Variants in MKKS observed in about 807,000 individuals in gnomAD.
MKKS encodes MKKS centrosomal shuttling protein, also known as molecular chaperone MKKS.
MKKS carries 29 observed loss-of-function variants against 33.2 expected under a neutral mutation model. The observed-to-expected ratio is 0.87, with a 90% CI of 0.65 to 1.19. The LOEUF (loss-of-function observed/expected upper bound fraction) is 1.19. Ranked by LOEUF, MKKS falls within the 50% of genes most tolerant of loss-of-function variation. The pLI is 0.00. For missense variants in MKKS, 661 were observed against 662.3 expected, an observed-to-expected ratio of 1.00 and a Z score of 0.02; for synonymous variants, 260 against 244.0, an observed-to-expected ratio of 1.07 and a Z score of -0.61.
rs1297985227 is a variant in MKKS at position 10,413,220 on chromosome 20, A to G, written c.295T>C (p.Cys99Arg). ...TGAACATTTTCAATCAGGTTGCAGC[A>G]AAGAATAGCTGTGAATAAGCCACAA... ...SDCGLFTAIL[C>R]CNLIENVQRL... Residue 99 changes from cysteine to arginine, a missense_variant, in exon 3 of 6, where the codon TGC (cysteine) becomes CGC (arginine). By Grantham distance (180) the Cys-to-Arg change is radical. Transcript: ENST00000347364. 3 of 1,614,230 alleles carry G rather than the reference A, an allele frequency of 1.9e-6. No individual in the cohort carries two copies. Among genetic ancestry groups the G allele is most frequent in the Non-Finnish European group, 2.5e-6 (3 of 1,180,022 alleles).
At chr20:10,426,930 A>C (rs976008926) in intron 1 of MKKS, among the ~76,000 whole-genome samples, 1 of 152,134 alleles carries the variant, frequency 6.6e-6, no homozygotes, top group Non-Finnish European at 1.5e-5. Context: ...TGACAGCAAG[A>C]GATTAATGAA....
chr20:10,410,819 T>C (rs1439273878), intron 3 of MKKS, among the ~76,000 whole-genome samples: 1 of 152,134 alleles, frequency 6.6e-6, no homozygotes, highest in Non-Finnish European at 1.5e-5. Context: ...CCTAAAAGTT[T>C]ACCTGCGCTA....
chr20:10,416,837 G>C (rs1388016101), intron 2 of MKKS, among the ~76,000 whole-genome samples: 1 of 152,180 alleles, frequency 6.6e-6, no homozygotes, highest in African/African-American at 2.4e-5. Flanking sequence ...TTTTGTAAAT[G>C]AAGTTTTATT....
intron 1 of MKKS, among the ~76,000 whole-genome samples, chr20:10,432,293 TC>T (rs1340647380): frequency 6.6e-6 from 1 of 152,230 alleles, no homozygotes; most frequent in Non-Finnish European, 1.5e-5. Context: ...CTTCCTTTCT[TC>T]CTTGGTAATC....
At chr20:10,423,770 T>C (rs2064996928) in intron 1 of MKKS, among the ~76,000 whole-genome samples, 1 of 152,248 alleles carries the variant, frequency 6.6e-6, no homozygotes, top group Non-Finnish European at 1.5e-5. Context: ...TAAGGATCGA[T>C]GAATCTTTTT....
Position 10,433,517 on chromosome 20 carries a change from G to A in MKKS, c.-649+591C>T, listed in dbSNP as rs76505052. Among the ~76,000 whole-genome samples, 219 of 152,304 alleles carry A rather than the reference G, an allele frequency of 1.4e-3. 6 individuals carry two copies. In the East Asian group the frequency reaches 0.038, roughly 26 times the overall value. On this transcript the variant is annotated intron_variant, in intron 1 of 5. Transcript: ENST00000347364. ...AAGATGTTAATGAATGAATGAAACC[G>A]TCATATTGAGTCTCTGAAACGGCAA...
intron 1 of MKKS, among the ~76,000 whole-genome samples, chr20:10,422,940 T>A (rs1474521921): frequency 1.3e-5 from 2 of 152,056 alleles, no homozygotes; most frequent in East Asian, 3.9e-4. Flanking sequence ...CTCGATCTCC[T>A]GACCTTGCGA....
Position 10,413,006 on chromosome 20 carries a change from T to G in MKKS, c.509A>C (p.Glu170Ala). The change falls in exon 3 of 6, where the codon GAA (glutamate) becomes GCA (alanine). Residue 170 changes from glutamate (E) to alanine (A), a missense_variant. Glu to Ala is a moderately radical substitution (Grantham distance 107). Transcript: ENST00000347364. ...GATCAAAGCACTGACATGCTCTGTT[T>G]CCTTTCTGGTGAGCATACAGGCAGG... ...SKPACMLTRKETEHVSALILR... is the reference protein window; with the variant it reads ...SKPACMLTRKATEHVSALILR... The G allele has an allele frequency of 6.2e-7, 1 of 1,614,118 alleles. No homozygotes were observed. Among genetic ancestry groups the G allele is most frequent in the Non-Finnish European group, 8.5e-7 (1 of 1,180,040 alleles).
rs1947442419 is a variant in MKKS, at chr20:10,402,351, A to G, written c.*2896T>C. The G allele has an allele frequency of 1.3e-5, 2 of 152,084 alleles. No homozygotes were observed. The allele number at this position is 152,084 out of a possible 1,614,324, so 9.4% of individuals were successfully genotyped here. A position where few individuals can be genotyped will look rare whatever the true frequency, so the allele number is the denominator to read the frequency against. On this transcript the variant is annotated 3_prime_UTR_variant, in exon 6 of 6. Transcript: ENST00000347364. ...TATTTTCATCAAGAATTTTCATTTCATGTTTTATCATCTAAGTTTGAACGC... is the reference window on the plus strand; with the variant it reads ...TATTTTCATCAAGAATTTTCATTTCGTGTTTTATCATCTAAGTTTGAACGC...
In MKKS at chr20:10,408,634, C is replaced by G; in HGVS notation, c.1155G>C (p.Glu385Asp). 6.2e-7 allele frequency: 1 copy of G among 1,614,050 alleles called. No homozygotes were observed. The highest frequency in any genetic ancestry group is 8.5e-7 in the Non-Finnish European group (1 of 1,179,958). The change falls in exon 4 of 6, where the codon GAG becomes GAC. Residue 385 changes from glutamate (E) to aspartate (D), a missense_variant. Transcript: ENST00000347364. ...TTCAAAGTTCATTACCTACCTTCAG[C>G]TCATCCCAGGCAGTGTCATTTCTGT... ...LCNRNDTAWD[E>D]LKLTCQTALH...
At chr20:10,430,483 C>T (rs993767000) in intron 1 of MKKS, among the ~76,000 whole-genome samples, 4 of 152,102 alleles carry the variant, frequency 2.6e-5, no homozygotes, top group Admixed American at 2.6e-4. Flanking sequence ...AGAAAAAAAA[C>T]ATTACTGGAA....
intron 1 of MKKS, among the ~76,000 whole-genome samples, chr20:10,428,039 T>C (rs1410428365): frequency 6.6e-6 from 1 of 152,252 alleles, no homozygotes. Flanking sequence ...TTAATGTATT[T>C]GTAAATAAAA....
At chr20:10,423,093 T>C (rs1368395995) in intron 1 of MKKS, among the ~76,000 whole-genome samples, 2 of 152,084 alleles carry the variant, frequency 1.3e-5, no homozygotes, top group Admixed American at 6.5e-5. Flanking sequence ...TCAACATTTG[T>C]CAGCTTTTTT....
At position 10,432,310 on chromosome 20, in the gene MKKS, A is replaced by G. The variant is rs577057910; in HGVS notation, c.-649+1798T>C. ...TCCTTTCTTCCTTGGTAATCATCCAAAAAGTCTTCTCTAGTAAATGTCCTG... is the reference window on the plus strand; with the variant it reads ...TCCTTTCTTCCTTGGTAATCATCCAGAAAGTCTTCTCTAGTAAATGTCCTG... On this transcript the variant is annotated intron_variant, in intron 1 of 5. Coordinates refer to ENST00000347364, the MANE Select transcript of MKKS (RefSeq NM_170784.3). Among the ~76,000 whole-genome samples the G allele has an allele frequency of 2.6e-5, 4 of 152,296 alleles. No individual in the cohort carries two copies. The South Asian group carries it at 8.3e-4, about 32-fold the overall frequency.
rs2064825430 is a variant in MKKS, at chr20:10,404,148, T to C, written c.*1099A>G. ...TCAATTTATCAATACATCTTATATT[T>C]GCATAAAATTCAAACTACATCCCTT... is the stretch of plus-strand genomic sequence containing the variant. On this transcript the variant is annotated 3_prime_UTR_variant, in exon 6 of 6. Transcript: ENST00000347364. 1.3e-5 allele frequency: 2 copies of C among 152,212 alleles called. No individual in the cohort carries two copies. Among genetic ancestry groups the C allele is most frequent in the African/African-American group, 4.8e-5 (2 of 41,456 alleles). The allele number at this position is 152,212 out of a possible 1,614,324, so 9.4% of individuals were successfully genotyped here.
chr20:10,412,956 G>A lies in MKKS; in HGVS notation c.559C>T (p.Pro187Ser). 2 of 1,613,828 alleles carry A rather than the reference G, an allele frequency of 1.2e-6. No individual in the cohort carries two copies. The highest frequency in any genetic ancestry group is 1.7e-6 in the Non-Finnish European group (2 of 1,179,958). Residue 187 changes from proline to serine, a missense_variant, in exon 3 of 6, where the codon CCA becomes TCA. Physicochemically the swap from Pro to Ser is moderately conservative, Grantham distance 74 (BLOSUM62 -1). Transcript: ENST00000347364. ...LILRAFLLTI[P>S]ENAEGHIILG... ...ATGATGTGGCCTTCAGCATTTTCTGGAATTGTAAGCAAAAAGGCTCTCAGG... is the reference window on the plus strand; with the variant it reads ...ATGATGTGGCCTTCAGCATTTTCTGAAATTGTAAGCAAAAAGGCTCTCAGG...
At position 10,413,840 on chromosome 20, in the gene MKKS, C is replaced by T; in HGVS notation, c.-326G>A. On this transcript the variant is annotated 5_prime_UTR_variant, in exon 3 of 6. Transcript: ENST00000347364. ...CAAGATGGACACCTATGAAAGATAT[C>T]CCAGCTACAAGAAGCCAGTTCTTTC... is the stretch of plus-strand genomic sequence containing the variant. The T allele has an allele frequency of 2.2e-6, 1 of 455,476 alleles. No homozygotes were observed. The allele number at this position is 455,476 out of a possible 1,614,324, so 28.2% of individuals were successfully genotyped here.
intron 5 of MKKS, among the ~76,000 whole-genome samples, chr20:10,405,907 ATAC>A (rs2064840514): frequency 6.6e-6 from 1 of 152,120 alleles, no homozygotes; most frequent in Non-Finnish European, 1.5e-5. Flanking sequence ...AAAAATGTAT[ATAC>A]TACCAGTCAT....
intron 1 of MKKS, among the ~76,000 whole-genome samples, chr20:10,430,487 A>G (rs1477276970): frequency 2.0e-5 from 3 of 152,222 alleles, no homozygotes; most frequent in African/African-American, 7.2e-5. Flanking sequence ...AAAAAACATT[A>G]CTGGAATTAA....
Sources: allele counts gnomAD v4.1 joint callset (sites outside exome capture counted in the v4.1 genomes callset), GRCh38; gene constraint gnomAD v4.1.1; transcripts MANE v1.5; gene names NCBI Gene and HGNC (gene_info 2026-07-23, HGNC 2026-07-21).